DOCK3: variants seen among roughly 807,000 people sequenced by gnomAD.
The protein encoded by DOCK3 is dedicator of cytokinesis 3, also known as dedicator of cytokinesis protein 3.
A neutral mutation model predicts 265.6 loss-of-function variants in DOCK3; 60 were observed. The ratio of observed to expected loss-of-function variants is 0.23; its 90% CI spans 0.18 to 0.28. The LOEUF is 0.28. DOCK3 is among the 10% of genes least tolerant of loss of function. DOCK3 has a pLI of 1.00. For synonymous variants in DOCK3, 881 were observed against 938.0 expected (o/e 0.94, Z 1.11); for missense variants, 1,981 against 2,594.3 (o/e 0.76, Z 5.14).
At chr3:51,000,919 C>T (rs1299620556) in intron 5 of DOCK3, among the ~76,000 whole-genome samples, 2 of 152,244 alleles carry the variant, frequency 1.3e-5, no homozygotes, top group Non-Finnish European at 2.9e-5. Context: ...TCCCAAAGTG[C>T]TGGGATTACA....
At chr3:50,790,752 T>C (rs995042018) in intron 2 of DOCK3, among the ~76,000 whole-genome samples, 10 of 152,202 alleles carry the variant, frequency 6.6e-5, no homozygotes, top group Non-Finnish European at 1.5e-4. Flanking sequence ...CTTAAGATTC[T>C]TTCCTTCGTC....
intron 5 of DOCK3, among the ~76,000 whole-genome samples, chr3:51,059,958 T>C (rs1266025415): frequency 6.6e-6 from 1 of 152,154 alleles, no homozygotes; most frequent in Non-Finnish European, 1.5e-5. Context: ...TTGTCAAATC[T>C]TTTAAAAACC....
intron 5 of DOCK3, 105 bp from the exon 6 acceptor site, chr3:51,064,343 G>A (rs952474505): frequency 7.0e-7 from 1 of 1,427,444 alleles, no homozygotes; most frequent in African/African-American, 1.4e-5. Flanking sequence ...TACCTTAGTA[G>A]TTCAGAGAAA....
intron 9 of DOCK3, among the ~76,000 whole-genome samples, chr3:51,137,016 T>TA (rs1294193801): frequency 2.0e-5 from 3 of 151,306 alleles, no homozygotes; most frequent in South Asian, 2.1e-4. Context: ...CCCTAAAACT[T>TA]AAAGTATAAT....
chr3:50,929,322 A>C (rs527300181), intron 4 of DOCK3, among the ~76,000 whole-genome samples: 1 of 152,202 alleles, frequency 6.6e-6, no homozygotes, highest in East Asian at 1.9e-4. Flanking sequence ...CTTCTTCCCC[A>C]CAGTGACACT....
intron 1 of DOCK3, among the ~76,000 whole-genome samples, chr3:50,737,313 G>C (rs1312642072): frequency 6.6e-6 from 1 of 152,160 alleles, no homozygotes; most frequent in Non-Finnish European, 1.5e-5. Flanking sequence ...TAAATGGCAG[G>C]AGCAGGACCA....
intron 1 of DOCK3, among the ~76,000 whole-genome samples, chr3:50,729,166 C>A (rs1158765179): frequency 6.8e-6 from 1 of 147,812 alleles, no homozygotes; most frequent in Non-Finnish European, 1.5e-5. Flanking sequence ...CAAAAAAATA[C>A]AAAAATTAGC....
intron 5 of DOCK3, among the ~76,000 whole-genome samples, chr3:50,987,551 G>A (rs12494214): frequency 0.074 from 11,192 of 152,118 alleles, 1,024 homozygotes; most frequent in East Asian, 0.34. Context: ...TGGGGGGAGT[G>A]GCCAAGATGG....
In DOCK3 at chr3:51,314,961, T is replaced by A; in HGVS notation, c.3254-19T>A. 2 of 1,591,554 alleles carry A rather than the reference T, an allele frequency of 1.3e-6. No homozygotes were observed. Among genetic ancestry groups the A allele is most frequent in the Non-Finnish European group, 1.7e-6 (2 of 1,165,638 alleles). ...AAGGAGCAAAGCAGGCATAAACTAA[T>A]TTGGGTTTTGTTTTTCAGGTGAACA... is the stretch of plus-strand genomic sequence containing the variant. On this transcript the variant is annotated intron_variant, in intron 31 of 52. Transcript: ENST00000266037.
At chr3:51,140,073 T>C (rs763417315) in intron 9 of DOCK3, among the ~76,000 whole-genome samples, 1 of 152,214 alleles carries the variant, frequency 6.6e-6, no homozygotes, top group Non-Finnish European at 1.5e-5. Flanking sequence ...AAAAGTTTGT[T>C]GTTTGTTGGT....
intron 1 of DOCK3, among the ~76,000 whole-genome samples, chr3:50,751,326 A>G (rs1054692827): frequency 2.0e-5 from 3 of 151,532 alleles, no homozygotes; most frequent in African/African-American, 7.3e-5. Context: ...GCATAGGTAT[A>G]CATGTGCCAT....
At chr3:50,917,319 G>T (rs1015458453) in intron 4 of DOCK3, among the ~76,000 whole-genome samples, 1 of 152,010 alleles carries the variant, frequency 6.6e-6, no homozygotes, top group Non-Finnish European at 1.5e-5. Context: ...TTAGATAATG[G>T]GTTGGGTAGT....
intron 51 of DOCK3, 49 bp downstream of exon 51, chr3:51,375,884 T>C: frequency 1.9e-6 from 3 of 1,597,414 alleles, no homozygotes; most frequent in Non-Finnish European, 2.6e-6. Flanking sequence ...CCATCCTGAG[T>C]GTCTGACTCT....
intron 5 of DOCK3, among the ~76,000 whole-genome samples, chr3:51,044,329 A>G (rs968082603): frequency 6.6e-6 from 1 of 152,168 alleles, no homozygotes; most frequent in Non-Finnish European, 1.5e-5. Context: ...ACACAAAAAA[A>G]CAGAAAACCA....
chr3:51,269,135 C>CTATA (rs1156936702), intron 23 of DOCK3, among the ~76,000 whole-genome samples: 2 of 143,488 alleles, frequency 1.4e-5, no homozygotes, highest in African/African-American at 5.1e-5. Flanking sequence ...CTCTCTCTCT[C>CTATA]TCTATATATA....
In DOCK3 at chr3:51,312,562, G is replaced by T. The variant is rs563020416; in HGVS notation, c.3180G>T (p.Lys1060Asn). 1.3e-6 allele frequency: 2 copies of T among 1,589,372 alleles called. No homozygotes were observed. The highest frequency in any genetic ancestry group is 1.7e-6 in the Non-Finnish European group (2 of 1,173,636). ...QLEIITSAKR[K>N]KILDKYGDMR... The stretch of plus-strand genomic sequence containing the variant: ...AAATTATCACCTCAGCCAAAAGGAA[G>T]AAGATTCTAGATAAGTAAGATAAAC... Residue 1060 changes from lysine (K) to asparagine (N), a missense_variant, in exon 30 of 53, where the codon AAG becomes AAT. Coordinates refer to ENST00000266037, the MANE Select transcript of DOCK3 (RefSeq NM_004947.5).
intron 22 of DOCK3, among the ~76,000 whole-genome samples, chr3:51,247,144 G>C (rs1177783158): frequency 6.6e-6 from 1 of 152,214 alleles, no homozygotes; most frequent in African/African-American, 2.4e-5. Flanking sequence ...AACGTTGATT[G>C]AATTAGGATC....
chr3:51,338,520 A>C, intron 36 of DOCK3, 101 bp downstream of exon 36: 1 of 1,351,382 alleles, frequency 7.4e-7, no homozygotes, highest in South Asian at 1.3e-5. Flanking sequence ...CTGCAGGCCT[A>C]AGGGTTTGAA....
intron 2 of DOCK3, among the ~76,000 whole-genome samples, chr3:50,809,514 A>G (rs2043617977): frequency 6.6e-6 from 1 of 152,252 alleles, no homozygotes. Flanking sequence ...TTGGCACTAT[A>G]TACTATAGCT....
Sources: allele counts gnomAD v4.1 joint callset (sites outside exome capture counted in the v4.1 genomes callset), GRCh38; gene constraint gnomAD v4.1.1; transcripts MANE v1.5; gene names NCBI Gene and HGNC (gene_info 2026-07-23, HGNC 2026-07-21).